The following ILKAP variants were observed in gnomAD, a reference collection of about 807,000 sequenced individuals.
ILKAP encodes integrin-linked kinase-associated serine/threonine phosphatase 2C.
A neutral mutation model predicts 49.1 loss-of-function variants in ILKAP; 11 were observed. The observed-to-expected ratio is 0.22, with a 90% CI of 0.14 to 0.37. The LOEUF (loss-of-function observed/expected upper bound fraction) is 0.37. Among genes scored for constraint, ILKAP ranks in the 10% least tolerant of loss-of-function variants. The pLI is 1.00. For missense variants in ILKAP, 363 were observed against 510.8 expected (o/e 0.71, Z 2.79); for synonymous variants, 186 against 192.8 (o/e 0.96, Z 0.29).
intron 5 of ILKAP, chr2:238,187,084 T>G (rs906512854): frequency 3.3e-5 from 5 of 152,200 alleles, no homozygotes; most frequent in African/African-American, 1.2e-4. Flanking sequence ...AGACACTGTC[T>G]CTACAAAAAA....
chr2:238,189,374 T>C (rs1403369047), intron 4 of ILKAP, among the ~76,000 whole-genome samples: 1 of 152,164 alleles, frequency 6.6e-6, no homozygotes, highest in East Asian at 1.9e-4. Context: ...ACTGAAGTAT[T>C]CTCTTTAGTT....
rs993814424 is a variant in ILKAP, at chr2:238,180,404, G to C, written c.836+1661C>G. Among the ~76,000 whole-genome samples, 13 of 152,210 alleles carry C rather than the reference G, an allele frequency of 8.5e-5. 1 individual carries two copies. Among genetic ancestry groups the C allele is most frequent in the Admixed American group, 2.0e-4 (3 of 15,284 alleles). On this transcript the variant is annotated intron_variant, in intron 9 of 11. Transcript: ENST00000254654. ...TTATCTTCAGGAGATGCATGCTTAA[G>C]TATTTAGGCTGTTATGTCATCATAT...
At chr2:238,196,863 A>C (rs1318750405) in intron 1 of ILKAP, among the ~76,000 whole-genome samples, 1 of 152,250 alleles carries the variant, frequency 6.6e-6, no homozygotes, top group African/African-American at 2.4e-5. Context: ...AAGTGACATA[A>C]AGACTCTATT....
intron 2 of ILKAP, 129 bp downstream of exon 2, chr2:238,194,676 T>C: frequency 1.0e-6 from 1 of 955,876 alleles, no homozygotes; most frequent in Non-Finnish European, 1.6e-6. Flanking sequence ...GATTCAAAAC[T>C]TAAAGACAGT....
chr2:238,181,913 C>T, intron 9 of ILKAP, 152 bp downstream of exon 9: 1 of 778,860 alleles, frequency 1.3e-6, no homozygotes, highest in African/African-American at 1.7e-5. Flanking sequence ...CTACAACTGT[C>T]ATCCACCTAT....
Position 238,171,010 on chromosome 2 carries a change from G to T in ILKAP, c.971C>A (p.Ala324Asp). 1 of 1,613,432 alleles carries T rather than the reference G, an allele frequency of 6.2e-7. No individual in the cohort carries two copies. Among genetic ancestry groups the T allele is most frequent in the Non-Finnish European group, 8.5e-7 (1 of 1,179,740 alleles). Reference protein sequence around the residue: ...LTPNDRFILLACDGLFKVFTP... With the variant: ...LTPNDRFILLDCDGLFKVFTP... ...AAAGACCTTGAAGAGCCCATCACAG[G>T]CCAACAAAATGAACCTACAACACCA... The change falls in exon 11 of 12, where the codon GCC (alanine) becomes GAC (aspartate). Residue 324 changes from alanine (A) to aspartate (D), a missense_variant. Transcript: ENST00000254654.
Position 238,188,122 on chromosome 2 carries a change from G to A in ILKAP, c.425+9C>T, listed in dbSNP as rs779463100. On this transcript the variant is annotated intron_variant, in intron 5 of 11. Coordinates refer to ENST00000254654, the MANE Select transcript of ILKAP (RefSeq NM_030768.3). ...ATGCCAGCCGGGCTTCCTACCACATGAGACTCACATGAGGGACGATGGGGG... is the reference window on the plus strand; with the variant it reads ...ATGCCAGCCGGGCTTCCTACCACATAAGACTCACATGAGGGACGATGGGGG... 3.2e-4 allele frequency: 522 copies of A among 1,613,560 alleles called. 1 individual carries two copies. The highest frequency in any genetic ancestry group is 4.3e-4 in the Non-Finnish European group (506 of 1,179,722).
Position 238,171,005 on chromosome 2 carries a change from C to CTG in ILKAP, c.975_976insCA (p.Asp326GlnfsTer14). Reference sequence around the variant, plus strand: ...GGGGTAAAGACCTTGAAGAGCCCATCACAGGCCAACAAAATGAACCTACAA... The same window carrying CTG: ...GGGGTAAAGACCTTGAAGAGCCCATCTGACAGGCCAACAAAATGAACCTACAA... On this transcript the variant is annotated frameshift_variant, in exon 11 of 12. Transcript: ENST00000254654. LOFTEE classifies it high-confidence loss of function. 6.2e-7 allele frequency: 1 copy of CTG among 1,613,784 alleles called. No homozygotes were observed. Among genetic ancestry groups the CTG allele is most frequent in the Non-Finnish European group, 8.5e-7 (1 of 1,179,932 alleles).
chr2:238,190,878 A>T (rs76656546), intron 3 of ILKAP, among the ~76,000 whole-genome samples: 794 of 7,784 alleles, frequency 0.1, 17 homozygotes, highest in East Asian at 0.22. Context: ...GTTTCTCTTT[A>T]AAAAAAAAAA....
chr2:238,188,767 G>C (rs935421), intron 4 of ILKAP, among the ~76,000 whole-genome samples: 4,338 of 152,238 alleles, frequency 0.028, 100 homozygotes, highest in South Asian at 0.075. Flanking sequence ...AGGAAGAAAA[G>C]GATAAAAGAT....
intron 3 of ILKAP, among the ~76,000 whole-genome samples, chr2:238,191,429 C>T (rs911510862): frequency 6.6e-6 from 1 of 152,158 alleles, no homozygotes; most frequent in African/African-American, 2.4e-5. Flanking sequence ...CCTCAAGAAG[C>T]GTAAATTAGT....
At chr2:238,195,126 T>C (rs545161649) in intron 1 of ILKAP, among the ~76,000 whole-genome samples, 1 of 152,338 alleles carries the variant, frequency 6.6e-6, no homozygotes, top group South Asian at 2.1e-4. Flanking sequence ...CCACTGAATA[T>C]TTTGAGGAAA....
chr2:238,179,023 G>C (rs1167921302), intron 9 of ILKAP, among the ~76,000 whole-genome samples: 2 of 152,138 alleles, frequency 1.3e-5, no homozygotes, highest in African/African-American at 4.8e-5. Flanking sequence ...AATTGGTCTT[G>C]AACTCCTAGG....
chr2:238,193,909 A>G (rs563019751), intron 3 of ILKAP, among the ~76,000 whole-genome samples: 1 of 152,394 alleles, frequency 6.6e-6, no homozygotes, highest in Non-Finnish European at 1.5e-5. Context: ...AGGAGGAGGT[A>G]GAGCCAATGC....
chr2:238,173,500 C>T (rs919766541), intron 10 of ILKAP, 34 bp downstream of exon 10: 17 of 1,593,146 alleles, frequency 1.1e-5, no homozygotes, highest in Non-Finnish European at 1.5e-5. Context: ...AACCCACATG[C>T]ACACACACCT....
intron 1 of ILKAP, among the ~76,000 whole-genome samples, chr2:238,201,514 C>T (rs895673484): frequency 1.3e-5 from 2 of 152,156 alleles, no homozygotes; most frequent in African/African-American, 4.8e-5. Context: ...ACCATGCACC[C>T]CCTCTGCCAC....
In ILKAP at chr2:238,192,038, C is replaced by T. The variant is rs1376712472; in HGVS notation, c.179-2066G>A. Among the ~76,000 whole-genome samples the T allele has an allele frequency of 2.1e-5, 3 of 140,640 alleles. No individual in the cohort carries two copies. The Admixed American group carries it at 2.2e-4, about 10-fold the overall frequency. The allele number at this position is 140,640 out of a possible 152,430, so 92.3% of individuals were successfully genotyped here. A position where few individuals can be genotyped will look rare whatever the true frequency, so the allele number is the denominator to read the frequency against. On this transcript the variant is annotated intron_variant, in intron 3 of 11. Coordinates refer to ENST00000254654, the MANE Select transcript of ILKAP (RefSeq NM_030768.3). The stretch of plus-strand genomic sequence containing the variant: ...CCATCCTGGCCAACATGGTGAAACC[C>T]CGTCTCTACTGAAAATACAAAAAAT...
rs115451762 is a variant in ILKAP at position 238,179,784 on chromosome 2, G to C, written c.836+2281C>G. Among the ~76,000 whole-genome samples, 519 of 152,268 alleles carry C rather than the reference G, an allele frequency of 3.4e-3. 4 individuals carry two copies. The highest frequency in any genetic ancestry group is 0.012 in the African/African-American group (497 of 41,552). Reference sequence around the variant, plus strand: ...AAGAAGGTCTTACACCTAACTTCCAGTTTATAGGAAATATACAGAAATAAC... The same window carrying C: ...AAGAAGGTCTTACACCTAACTTCCACTTTATAGGAAATATACAGAAATAAC... On this transcript the variant is annotated intron_variant, in intron 9 of 11. Transcript: ENST00000254654.
intron 1 of ILKAP, among the ~76,000 whole-genome samples, chr2:238,198,029 G>A (rs1003549666): frequency 1.3e-5 from 2 of 151,978 alleles, no homozygotes; most frequent in Non-Finnish European, 2.9e-5. Flanking sequence ...CTCCATACAT[G>A]GGCACCCTTC....
Sources: gnomAD v4.1 joint callset for allele counts (sites outside exome capture counted in the v4.1 genomes callset) on GRCh38, gnomAD v4.1.1 for gene constraint, MANE v1.5 for transcripts, NCBI Gene and HGNC (gene_info 2026-07-23, HGNC 2026-07-21) for gene names.